The following PHF11 variants were observed in gnomAD, a reference collection of about 807,000 sequenced individuals.
PHF11 encodes PHD finger protein 11.
A neutral mutation model predicts 40.5 loss-of-function variants in PHF11; 38 were observed. The ratio of observed to expected loss-of-function variants is 0.94; its 90% CI spans 0.72 to 1.23. The LOEUF is 1.23. Ranked by LOEUF, PHF11 falls within the 50% of genes most tolerant of loss-of-function variation. The probability of loss-of-function intolerance (pLI) is 0.00; values close to 1 mark genes in which losing one functional copy is unlikely to be tolerated. For synonymous variants in PHF11, 127 were observed against 138.2 expected (o/e 0.92, Z 0.57); for missense variants, 369 against 392.4 (o/e 0.94, Z 0.50).
intron 5 of PHF11, 39 bp from the exon 6 acceptor site, chr13:49,522,004 C>CT (rs1352410064): frequency 1.0e-6 from 1 of 1,000,378 alleles, no homozygotes. Context: ...TAATCTTTTC[C>CT]TTTATGGATT....
At chr13:49,515,843 A>C (rs1959146315) in intron 3 of PHF11, among the ~76,000 whole-genome samples, 1 of 152,174 alleles carries the variant, frequency 6.6e-6, no homozygotes, top group Admixed American at 6.5e-5. Flanking sequence ...CCCCGTGCAG[A>C]AAGATAAAAC....
At chr13:49,526,610 C>T in intron 9 of PHF11, 152 bp downstream of exon 9, 4 of 580,926 alleles carry the variant, frequency 6.9e-6, no homozygotes, top group Non-Finnish European at 9.1e-6. Flanking sequence ...ACAGTATGAC[C>T]CCGCCCACCT....
In PHF11 at chr13:49,517,998, TA is replaced by T; in HGVS notation, c.325-16del. On this transcript the variant is annotated intron_variant, in intron 3 of 9. Transcript: ENST00000378319. ...TAACAACAAACAGGTACTTACTCAG[TA>T]AAATCTATTCTTCTGTAGAAATGCA... The T allele has an allele frequency of 7.3e-7, 1 of 1,365,230 alleles. No homozygotes were observed. Among genetic ancestry groups the T allele is most frequent in the Non-Finnish European group, 1.0e-6 (1 of 975,360 alleles). The allele number at this position is 1,365,230 out of a possible 1,614,324, so 84.6% of individuals were successfully genotyped here. A position where few individuals can be genotyped will look rare whatever the true frequency, so the allele number is the denominator to read the frequency against.
At chr13:49,498,495 A>G (rs115260793) in intron 1 of PHF11, among the ~76,000 whole-genome samples, 2,504 of 152,208 alleles carry the variant, frequency 0.016, 71 homozygotes, top group African/African-American at 0.057. Context: ...CAGATAGATC[A>G]TTCTGACTGT....
rs1490736591 is a variant in PHF11, at chr13:49,526,559, A to G, written c.841+101A>G. On this transcript the variant is annotated intron_variant, in intron 9 of 9. Coordinates refer to ENST00000378319, the MANE Select transcript of PHF11 (RefSeq NM_001040443.3). ...CAGGTGATAAAAATATTTTAGAAGAATGTTCATTGTTTTCTTAAATGAGAA... is the reference window on the plus strand; with the variant it reads ...CAGGTGATAAAAATATTTTAGAAGAGTGTTCATTGTTTTCTTAAATGAGAA... 9 of 750,542 alleles carry G rather than the reference A, an allele frequency of 1.2e-5. No individual in the cohort carries two copies. The African/African-American group carries it at 1.4e-4, about 12-fold the overall frequency. 46.5% of individuals were successfully genotyped at this position (750,542 alleles called of 1,614,324 possible). A position where few individuals can be genotyped will look rare whatever the true frequency, so the allele number is the denominator to read the frequency against.
intron 5 of PHF11, chr13:49,521,820 T>A (rs1959189157): frequency 6.4e-6 from 2 of 310,386 alleles, no homozygotes; most frequent in African/African-American, 2.2e-5. Flanking sequence ...GAGTTCCCCA[T>A]GTGCCAATTT....
In PHF11 at chr13:49,523,168, C is replaced by G. The variant is rs1162785288; in HGVS notation, c.571-7C>G. 3 of 1,591,792 alleles carry G rather than the reference C, an allele frequency of 1.9e-6. No homozygotes were observed. Among genetic ancestry groups the G allele is most frequent in the Non-Finnish European group, 2.6e-6 (3 of 1,159,748 alleles). On this transcript the variant is annotated splice_polypyrimidine_tract_variant and splice_region_variant and intron_variant, in intron 6 of 9. Coordinates refer to ENST00000378319, the MANE Select transcript of PHF11 (RefSeq NM_001040443.3). ...CAATGTAATGCAATCTTGATTTTCTCTCCTAGCCACCCGAAACAATGAAAT... is the reference window on the plus strand; with the variant it reads ...CAATGTAATGCAATCTTGATTTTCTGTCCTAGCCACCCGAAACAATGAAAT...
Position 49,520,898 on chromosome 13 carries a change from C to A in PHF11, c.463C>A (p.Leu155Ile). ...SDGVRGIYKLLCQQHAQFPII... is the reference protein window; with the variant it reads ...SDGVRGIYKLICQQHAQFPII... ...CTTTGAAATTAAATATTTCAGACTG[C>A]TTTGCCAGCAACATGCTCAATTCCC... The change falls in exon 5 of 10, where the codon CTT becomes ATT. Residue 155 changes from leucine to isoleucine, a missense_variant. Transcript: ENST00000378319. 1 of 1,571,050 alleles carries A rather than the reference C, an allele frequency of 6.4e-7. No individual in the cohort carries two copies. Among genetic ancestry groups the A allele is most frequent in the Non-Finnish European group, 8.7e-7 (1 of 1,148,340 alleles).
chr13:49,518,146 T>G lies in PHF11; in HGVS notation c.453T>G (p.Ile151Met), dbSNP rs980775128. The change falls in exon 4 of 10, where the codon ATT becomes ATG. Residue 151 changes from isoleucine (I) to methionine (M), a missense_variant. Transcript: ENST00000378319. ...AVPQSDGVRG[I>M]YKLLCQQHAQ... ...CACAGTCTGATGGAGTTCGAGGAAT[T>G]TATAAGTATTTAATAAAACATTTTT... 1 of 1,592,704 alleles carries G rather than the reference T, an allele frequency of 6.3e-7. No individual in the cohort carries two copies. The highest frequency in any genetic ancestry group is 8.6e-7 in the Non-Finnish European group (1 of 1,168,242).
chr13:49,518,113 C>T lies in PHF11; in HGVS notation c.420C>T (p.Asp140=), dbSNP rs150136839. The T allele has an allele frequency of 2.9e-4, 474 of 1,607,810 alleles. No homozygotes were observed. The highest frequency in any genetic ancestry group is 1.8e-3 in the Middle Eastern group (11 of 6,048). ...NYHFFCAKKD[D]AVPQSDGVRG... is the part of the protein sequence containing the mutation. Reference sequence around the variant, plus strand: ...ACTTTTTCTGTGCCAAGAAGGACGACGCAGTTCCACAGTCTGATGGAGTTC... The same window carrying T: ...ACTTTTTCTGTGCCAAGAAGGACGATGCAGTTCCACAGTCTGATGGAGTTC... The change falls in exon 4 of 10, where the codon GAC becomes GAT. Residue 140 remains aspartate (D), a synonymous_variant. Transcript: ENST00000378319.
At chr13:49,505,821 G>T (rs1958980188) in intron 1 of PHF11, among the ~76,000 whole-genome samples, 1 of 150,770 alleles carries the variant, frequency 6.6e-6, no homozygotes, top group East Asian at 1.9e-4. Context: ...CTACCTTCAT[G>T]TATCTTTCCT....
At chr13:49,524,061 C>T (rs1406999151) in intron 7 of PHF11, 24 bp from the exon 8 acceptor site, 4 of 1,594,022 alleles carry the variant, frequency 2.5e-6, no homozygotes, top group Non-Finnish European at 3.4e-6. Flanking sequence ...CTATTTCCTT[C>T]TCAAATGTTT....
At chr13:49,521,230 G>T in intron 5 of PHF11, 1 of 1,070,202 alleles carries the variant, frequency 9.3e-7, no homozygotes, top group Non-Finnish European at 1.1e-6. Flanking sequence ...TGACTTTTGG[G>T]ACTGCTTCTC....
Position 49,509,831 on chromosome 13 carries a change from T to G in PHF11, c.216+3075T>G, listed in dbSNP as rs188021245. 2.9e-3 allele frequency among the ~76,000 whole-genome samples: 437 copies of G among 152,328 alleles called. 4 individuals carry two copies. Among genetic ancestry groups the G allele is most frequent in the African/African-American group, 0.01 (432 of 41,576 alleles). ...TGTGGAATTGTGAGTCCATTAAACC[T>G]CTTTTTCTTTATAAATTACCCAGTC... is the stretch of plus-strand genomic sequence containing the variant. On this transcript the variant is annotated intron_variant, in intron 2 of 9. Transcript: ENST00000378319.
chr13:49,505,868 T>G (rs1441271388), intron 1 of PHF11, among the ~76,000 whole-genome samples: 1 of 152,254 alleles, frequency 6.6e-6, no homozygotes, highest in Non-Finnish European at 1.5e-5. Context: ...TTAAAGTACA[T>G]TGCTCATTTA....
At chr13:49,513,795 G>T (rs1163951768) in intron 3 of PHF11, among the ~76,000 whole-genome samples, 1 of 152,146 alleles carries the variant, frequency 6.6e-6, no homozygotes, top group African/African-American at 2.4e-5. Flanking sequence ...TTCCAAGTTG[G>T]TTGATTGAGT....
chr13:49,526,342 G>C (rs752840277), intron 8 of PHF11, 45 bp from the exon 9 acceptor site: 1 of 1,208,330 alleles, frequency 8.3e-7, no homozygotes, highest in Non-Finnish European at 1.2e-6. Context: ...AGGAGTTTCT[G>C]CCTATACAAA....
chr13:49,520,872 T>A, intron 4 of PHF11, 22 bp from the exon 5 acceptor site: 1 of 1,481,096 alleles, frequency 6.8e-7, no homozygotes, highest in Non-Finnish European at 9.3e-7. Flanking sequence ...ATTTTACAAT[T>A]CTTTGAAATT....
Position 49,519,210 on chromosome 13 carries a change from T to C in PHF11, c.458+1059T>C, listed in dbSNP as rs542023252. On this transcript the variant is annotated intron_variant, in intron 4 of 9. Transcript: ENST00000378319. ...TAATCAGACATGAAATGTGTAAATA[T>C]GTAAATTTCGTACTGCACTTCTTTT... Among the ~76,000 whole-genome samples the C allele has an allele frequency of 3.3e-5, 5 of 152,346 alleles. No individual in the cohort carries two copies. In the East Asian group the frequency reaches 9.6e-4, roughly 29 times the overall value.
Sources: gnomAD v4.1 joint callset for allele counts (sites outside exome capture counted in the v4.1 genomes callset) on GRCh38, gnomAD v4.1.1 for gene constraint, MANE v1.5 for transcripts, NCBI Gene and HGNC (gene_info 2026-07-23, HGNC 2026-07-21) for gene names.